Variants in NR3C2 observed in about 807,000 individuals in gnomAD.
NR3C2 encodes nuclear receptor subfamily 3 group C member 2.
A neutral mutation model predicts 86.4 loss-of-function variants in NR3C2; 15 were observed. That is an observed-to-expected ratio of 0.17 (90% CI 0.12 to 0.27). The LOEUF (loss-of-function observed/expected upper bound fraction) is 0.27, where lower values mean the gene tolerates loss of function less well. NR3C2 is among the 10% of genes least tolerant of loss of function. The pLI, the probability that NR3C2 is intolerant of heterozygous loss-of-function variation, is 1.00. For missense variants in NR3C2, 960 were observed against 1,195.6 expected (o/e 0.80, Z 2.91); for synonymous variants, 458 against 450.5 (o/e 1.02, Z -0.21).
intron 2 of NR3C2, among the ~76,000 whole-genome samples, chr4:148,350,768 A>G (rs1392028811): frequency 1.3e-5 from 2 of 152,200 alleles, no homozygotes; most frequent in Non-Finnish European, 2.9e-5. Flanking sequence ...GGTGTCTTAA[A>G]TGGCTGTGAG....
rs562594130 is a variant in NR3C2, at chr4:148,435,426, C to T, written c.1435G>A (p.Gly479Ser). ...LSGILGPPVPGFDGNCEGSGF... is the reference protein window; with the variant it reads ...LSGILGPPVPSFDGNCEGSGF... ...CTGCCTTCACAGTTACCATCAAAGCCGGGCACAGGTGGTCCTAAAATTCCT... is the reference window on the plus strand; with the variant it reads ...CTGCCTTCACAGTTACCATCAAAGCTGGGCACAGGTGGTCCTAAAATTCCT... The change falls in exon 2 of 9, where the codon GGC (glycine) becomes AGC (serine). Residue 479 changes from glycine to serine, a missense_variant. Physicochemically the swap from Gly to Ser is moderately conservative, Grantham distance 56 (BLOSUM62 0). Transcript: ENST00000358102. 6.4e-5 allele frequency: 104 copies of T among 1,614,116 alleles called. 1 individual carries two copies. In the South Asian group the frequency reaches 7.2e-4, roughly 11 times the overall value.
chr4:148,241,526 A>C (rs1422256888), intron 3 of NR3C2, among the ~76,000 whole-genome samples: 1 of 151,900 alleles, frequency 6.6e-6, no homozygotes, highest in Admixed American at 6.6e-5. Flanking sequence ...GCCAGGGCAC[A>C]CTTTAAGCTC....
At chr4:148,240,308 C>T (rs1364514651) in intron 3 of NR3C2, among the ~76,000 whole-genome samples, 1 of 147,330 alleles carries the variant, frequency 6.8e-6, no homozygotes, top group African/African-American at 2.5e-5. Flanking sequence ...GTCTTTAAAC[C>T]CCAATGTGCG....
chr4:148,124,249 C>CCAAACCAAAA (rs1258532285), intron 6 of NR3C2, among the ~76,000 whole-genome samples: 9 of 151,912 alleles, frequency 5.9e-5, no homozygotes, highest in Non-Finnish European at 1.0e-4. Flanking sequence ...CCAAACCAAA[C>CCAAACCAAAA]CAAACCAAAC....
chr4:148,392,555 C>G (rs1747641785), intron 2 of NR3C2, among the ~76,000 whole-genome samples: 1 of 152,184 alleles, frequency 6.6e-6, no homozygotes, highest in African/African-American at 2.4e-5. Flanking sequence ...CAGGCATGCT[C>G]TGCTGGTCCC....
chr4:148,433,495 A>C (rs1328975073), intron 2 of NR3C2, among the ~76,000 whole-genome samples: 2 of 152,216 alleles, frequency 1.3e-5, no homozygotes, highest in African/African-American at 4.8e-5. Flanking sequence ...AAAACTAAAA[A>C]TTATAAAACA....
intron 4 of NR3C2, among the ~76,000 whole-genome samples, chr4:148,181,037 A>G (rs1004748355): frequency 3.9e-5 from 6 of 151,916 alleles, no homozygotes; most frequent in Non-Finnish European, 7.4e-5. Context: ...GACGTGTCCC[A>G]CTCTAGGAGG....
chr4:148,324,824 A>G (rs1006871070), intron 2 of NR3C2, among the ~76,000 whole-genome samples: 5 of 152,180 alleles, frequency 3.3e-5, no homozygotes, highest in Non-Finnish European at 7.3e-5. Context: ...AAAAGCTGGG[A>G]ATGGGGGGAA....
At chr4:148,339,327 C>G (rs1744639842) in intron 2 of NR3C2, among the ~76,000 whole-genome samples, 1 of 152,148 alleles carries the variant, frequency 6.6e-6, no homozygotes, top group Non-Finnish European at 1.5e-5. Context: ...TGACTTAAAT[C>G]TTTAGATGAT....
At chr4:148,091,630 A>G (rs1731066416) in intron 8 of NR3C2, among the ~76,000 whole-genome samples, 1 of 152,098 alleles carries the variant, frequency 6.6e-6, no homozygotes, top group Non-Finnish European at 1.5e-5. Context: ...TCTACCAGTC[A>G]CCCTGTACAT....
At chr4:148,358,443 G>A (rs1268637435) in intron 2 of NR3C2, among the ~76,000 whole-genome samples, 1 of 143,988 alleles carries the variant, frequency 6.9e-6, no homozygotes, top group Non-Finnish European at 1.5e-5. Context: ...GACACAGGAA[G>A]GGGAATATCA....
chr4:148,435,863 A>G lies in NR3C2; in HGVS notation c.998T>C (p.Ile333Thr). ...SSPAASTVGS[I>T]CSPVNNAFSY... ...GAAGGCATTGTTTACAGGGCTACAG[A>G]TAGATCCCACAGTACTGGCTGCCGG... is the stretch of plus-strand genomic sequence containing the variant. The change falls in exon 2 of 9, where the codon ATC becomes ACC. Residue 333 changes from isoleucine (I) to threonine (T), a missense_variant. Physicochemically the swap from Ile to Thr is moderately conservative, Grantham distance 89 (BLOSUM62 -1). Coordinates refer to ENST00000358102, the MANE Select transcript of NR3C2 (RefSeq NM_000901.5). 6.2e-7 allele frequency: 1 copy of G among 1,614,198 alleles called. No individual in the cohort carries two copies. The highest frequency in any genetic ancestry group is 2.2e-5 in the East Asian group (1 of 44,886).
rs557755951 is a variant in NR3C2, at chr4:148,296,453, T to C, written c.1758-36336A>G. On this transcript the variant is annotated intron_variant, in intron 2 of 8. Transcript: ENST00000358102. The stretch of plus-strand genomic sequence containing the variant: ...TAATTAGAATCTTTTGTTTTCTTTC[T>C]TCACACTGAGACATTACACCTTTCA... Among the ~76,000 whole-genome samples, 13 of 152,302 alleles carry C rather than the reference T, an allele frequency of 8.5e-5. No individual in the cohort carries two copies. In the South Asian group the frequency reaches 2.7e-3, roughly 32 times the overall value.
At chr4:148,090,242 G>T (rs892986132) in intron 8 of NR3C2, among the ~76,000 whole-genome samples, 1 of 152,194 alleles carries the variant, frequency 6.6e-6, no homozygotes, top group Admixed American at 6.5e-5. Flanking sequence ...ACACAGAAAG[G>T]CAGGTGCTGC....
At chr4:148,261,745 T>C (rs752631739) in intron 2 of NR3C2, among the ~76,000 whole-genome samples, 1 of 152,208 alleles carries the variant, frequency 6.6e-6, no homozygotes, top group Non-Finnish European at 1.5e-5. Flanking sequence ...TGGAAAAATG[T>C]CAATGAAAAG....
chr4:148,384,475 G>T (rs1561076923), intron 2 of NR3C2, among the ~76,000 whole-genome samples: 1 of 151,242 alleles, frequency 6.6e-6, no homozygotes. Flanking sequence ...ATAAGAATTT[G>T]TTTTTTTTCA....
intron 2 of NR3C2, among the ~76,000 whole-genome samples, chr4:148,392,782 T>TGTAC (rs2126498744): frequency 6.6e-6 from 1 of 152,346 alleles, no homozygotes. Flanking sequence ...TTCTGAGACA[T>TGTAC]GTACATCTGC....
chr4:148,428,049 A>C (rs1749635347), intron 2 of NR3C2, among the ~76,000 whole-genome samples: 1 of 152,232 alleles, frequency 6.6e-6, no homozygotes, highest in Admixed American at 6.5e-5. Flanking sequence ...CAAAAGGAAA[A>C]GAGTAACTTT....
At chr4:148,366,425 A>G (rs1746114989) in intron 2 of NR3C2, among the ~76,000 whole-genome samples, 1 of 151,794 alleles carries the variant, frequency 6.6e-6, no homozygotes, top group African/African-American at 2.4e-5. Flanking sequence ...TCACTCCTTG[A>G]AAAAGAATAC....
Sources: allele counts gnomAD v4.1 joint callset (sites outside exome capture counted in the v4.1 genomes callset), GRCh38; gene constraint gnomAD v4.1.1; transcripts MANE v1.5; gene names NCBI Gene and HGNC (gene_info 2026-07-23, HGNC 2026-07-21).